The following ALK variants were observed in gnomAD, a reference collection of about 807,000 sequenced individuals.
ALK encodes ALK tyrosine kinase receptor.
A neutral mutation model predicts 163.1 loss-of-function variants in ALK; 74 were observed. The observed-to-expected ratio is 0.45, with a 90% CI of 0.38 to 0.55. The LOEUF (loss-of-function observed/expected upper bound fraction) is 0.55. Ranked by LOEUF, ALK falls within the 20% of genes least tolerant of loss-of-function variation. ALK has a pLI of 0.00. For missense variants in ALK, 2,063 were observed against 2,105.3 expected (o/e 0.98, Z 0.39); for synonymous variants, 960 against 843.2 (o/e 1.14, Z -2.40).
chr2:29,210,523 C>G (rs746469339), intron 24 of ALK, among the ~76,000 whole-genome samples: 1 of 152,124 alleles, frequency 6.6e-6, no homozygotes, highest in Non-Finnish European at 1.5e-5. Flanking sequence ...ACCTCTGCCT[C>G]CCGGGTTCAA....
At chr2:29,486,388 T>G (rs1049621683) in intron 4 of ALK, among the ~76,000 whole-genome samples, 3 of 152,198 alleles carry the variant, frequency 2.0e-5, no homozygotes, top group Admixed American at 6.5e-5. Flanking sequence ...TGGTATGAAA[T>G]GAGTGCTTCA....
At chr2:29,650,159 C>T (rs111375142) in intron 3 of ALK, among the ~76,000 whole-genome samples, 1 of 152,024 alleles carries the variant, frequency 6.6e-6, no homozygotes, top group Non-Finnish European at 1.5e-5. Context: ...TGGTTATATA[C>T]AAAATAGATT....
At chr2:29,855,917 T>C (rs1666126694) in intron 1 of ALK, among the ~76,000 whole-genome samples, 1 of 152,242 alleles carries the variant, frequency 6.6e-6, no homozygotes, top group African/African-American at 2.4e-5. Flanking sequence ...AGATCACGTT[T>C]TGTTTCTTTA....
At chr2:29,436,135 T>G (rs1324300114) in intron 4 of ALK, among the ~76,000 whole-genome samples, 1 of 152,140 alleles carries the variant, frequency 6.6e-6, no homozygotes, top group East Asian at 1.9e-4. Flanking sequence ...ACAGTGGAAA[T>G]GAGCTAACCA....
intron 3 of ALK, among the ~76,000 whole-genome samples, chr2:29,605,238 T>C (rs1358443632): frequency 6.6e-6 from 1 of 152,178 alleles, no homozygotes; most frequent in Admixed American, 6.5e-5. Flanking sequence ...CACGCTTCTA[T>C]GAGAATTTAA....
chr2:29,736,213 G>C (rs887900590), intron 1 of ALK, among the ~76,000 whole-genome samples: 1 of 151,998 alleles, frequency 6.6e-6, no homozygotes, highest in African/African-American at 2.4e-5. Flanking sequence ...TATATGCTTG[G>C]AAAATTACAT....
At chr2:29,734,049 G>A (rs568631506) in intron 1 of ALK, among the ~76,000 whole-genome samples, 1 of 152,272 alleles carries the variant, frequency 6.6e-6, no homozygotes, top group South Asian at 2.1e-4. Context: ...AGTTTCCCAA[G>A]GTGAGAACTG....
intron 4 of ALK, among the ~76,000 whole-genome samples, chr2:29,427,245 T>C (rs1670167195): frequency 6.6e-6 from 1 of 151,980 alleles, no homozygotes; most frequent in Non-Finnish European, 1.5e-5. Flanking sequence ...AAATGGTAAA[T>C]ACGAAGGTTA....
At chr2:29,429,461 T>C (rs1023024329) in intron 4 of ALK, among the ~76,000 whole-genome samples, 1 of 151,894 alleles carries the variant, frequency 6.6e-6, no homozygotes, top group African/African-American at 2.4e-5. Context: ...AATTCAAAAA[T>C]GATATTACAA....
intron 4 of ALK, among the ~76,000 whole-genome samples, chr2:29,451,760 A>T (rs1034161589): frequency 6.6e-6 from 1 of 152,168 alleles, no homozygotes; most frequent in Non-Finnish European, 1.5e-5. Flanking sequence ...CCTAAACTTG[A>T]AGTTCCTGGA....
intron 1 of ALK, among the ~76,000 whole-genome samples, chr2:29,745,308 C>G (rs1680181517): frequency 2.0e-5 from 3 of 152,166 alleles, no homozygotes; most frequent in Admixed American, 6.5e-5. Flanking sequence ...ACTGAAGGCT[C>G]ACTCTCTTTT....
chr2:29,869,041 C>T (rs111667008), intron 1 of ALK, among the ~76,000 whole-genome samples: 9 of 152,158 alleles, frequency 5.9e-5, no homozygotes, highest in Admixed American at 3.9e-4. Flanking sequence ...GAGTTTGAAA[C>T]GTCTTTCACC....
At chr2:29,399,812 A>G (rs1357127911) in intron 4 of ALK, among the ~76,000 whole-genome samples, 9 of 152,176 alleles carry the variant, frequency 5.9e-5, no homozygotes, top group Admixed American at 5.9e-4. Context: ...TTGCATTTTC[A>G]CATGGGTGAA....
At chr2:29,524,014 G>C (rs62131076) in intron 4 of ALK, among the ~76,000 whole-genome samples, 1 of 152,042 alleles carries the variant, frequency 6.6e-6, no homozygotes, top group Non-Finnish European at 1.5e-5. Context: ...CTGAGCCCCA[G>C]GGAGGGTTGC....
chr2:29,489,111 C>T (rs749831759), intron 4 of ALK, among the ~76,000 whole-genome samples: 1 of 152,064 alleles, frequency 6.6e-6, no homozygotes, highest in Non-Finnish European at 1.5e-5. Flanking sequence ...ATGAAAAGAG[C>T]CCTCAATTAC....
chr2:29,222,604 A>T lies in ALK; in HGVS notation c.3363T>A (p.Gly1121=), dbSNP rs201767904. Residue 1121 remains glycine, a synonymous_variant, in exon 21 of 29, where the codon GGT becomes GGA. Coordinates refer to ENST00000389048, the MANE Select transcript of ALK (RefSeq NM_004304.5). ...VPRKNITLIR[G]LGHGAFGEVY... ...CCTCCCCAAAGGCGCCATGGCCCAG[A>T]CCCCTGTGCAAAGGAGAAGACAAGA... 66 of 1,613,170 alleles carry T rather than the reference A, an allele frequency of 4.1e-5. No individual in the cohort carries two copies. The highest frequency in any genetic ancestry group is 2.8e-4 in the Admixed American group (17 of 59,906).
intron 1 of ALK, among the ~76,000 whole-genome samples, chr2:29,761,669 AC>A (rs1680704068): frequency 6.6e-6 from 1 of 152,150 alleles, no homozygotes; most frequent in Non-Finnish European, 1.5e-5. Flanking sequence ...CTCAGTGTCC[AC>A]CCATTAAAGA....
chr2:29,715,512 T>C (rs931348361), intron 2 of ALK, among the ~76,000 whole-genome samples: 3 of 152,316 alleles, frequency 2.0e-5, no homozygotes, highest in South Asian at 2.1e-4. Flanking sequence ...GGCCAAGCCA[T>C]GGGTAGGAGG....
In ALK at chr2:29,220,852, G is replaced by GA. The variant is rs1456579063; in HGVS notation, c.3516-18dup. 6.2e-7 allele frequency: 1 copy of GA among 1,613,882 alleles called. No individual in the cohort carries two copies. The highest frequency in any genetic ancestry group is 8.5e-7 in the Non-Finnish European group (1 of 1,179,806). ...TTGAATTTGCTGCAGAGCAGAGAGG[G>GA]ATGTAACCAAAATTAACTGAGCTGA... On this transcript the variant is annotated splice_polypyrimidine_tract_variant and intron_variant, in intron 22 of 28. Transcript: ENST00000389048.
Sources: allele counts gnomAD v4.1 joint callset (sites outside exome capture counted in the v4.1 genomes callset), GRCh38; gene constraint gnomAD v4.1.1; transcripts MANE v1.5; gene names NCBI Gene and HGNC (gene_info 2026-07-23, HGNC 2026-07-21).